RAB2A: variants seen among roughly 807,000 people sequenced by gnomAD.
RAB2A encodes RAB2A, member RAS oncogene family.
RAB2A carries 7 observed loss-of-function variants against 32.5 expected under a neutral mutation model. The observed-to-expected ratio is 0.22, with a 90% CI of 0.12 to 0.40. RAB2A has a LOEUF of 0.40. Ranked by LOEUF, RAB2A falls within the 10% of genes least tolerant of loss-of-function variation. The pLI is 1.00. For synonymous variants in RAB2A, 79 were observed against 85.2 expected (o/e 0.93, Z 0.40); for missense variants, 108 against 260.7 (o/e 0.41, Z 4.03).
chr8:60,619,011 G>A (rs1804490885), intron 7 of RAB2A: 1 of 152,046 alleles, frequency 6.6e-6, no homozygotes, highest in Admixed American at 6.6e-5. Context: ...ATAATGTTCT[G>A]GTATATAAAT....
chr8:60,548,780 A>C (rs1329513457), intron 1 of RAB2A, among the ~76,000 whole-genome samples: 2 of 109,736 alleles, frequency 1.8e-5, no homozygotes, highest in African/African-American at 3.9e-5. Context: ...TGATCCCCCC[A>C]CCTCCCTCCC....
chr8:60,601,580 C>G lies in RAB2A; in HGVS notation c.474+9611C>G, dbSNP rs541199479. On this transcript the variant is annotated intron_variant, in intron 6 of 7. Coordinates refer to ENST00000262646, the MANE Select transcript of RAB2A (RefSeq NM_002865.3). ...CTCAAACTCCTAAGCTCAAATGATCCGCCTGCTGTGGCCTCCCAAAGTGCT... is the reference window on the plus strand; with the variant it reads ...CTCAAACTCCTAAGCTCAAATGATCGGCCTGCTGTGGCCTCCCAAAGTGCT... Among the ~76,000 whole-genome samples, 7 of 152,280 alleles carry G rather than the reference C, an allele frequency of 4.6e-5. No homozygotes were observed. The South Asian group carries it at 1.5e-3, about 32-fold the overall frequency.
At chr8:60,560,060 C>G (rs951920643) in intron 2 of RAB2A, among the ~76,000 whole-genome samples, 1 of 152,148 alleles carries the variant, frequency 6.6e-6, no homozygotes, top group Non-Finnish European at 1.5e-5. Context: ...AAACAGGTAA[C>G]TCATGCTGGT....
Position 60,517,132 on chromosome 8 carries a change from C to T in RAB2A, c.-76C>T. On this transcript the variant is annotated 5_prime_UTR_variant, in exon 1 of 8. Coordinates refer to ENST00000262646, the MANE Select transcript of RAB2A (RefSeq NM_002865.3). ...CGCCTGGCGTTTCGAGGCTGAGCGG[C>T]ACCGGGGTTGGGGCGCGGAGGAGGA... The T allele has an allele frequency of 7.1e-7, 1 of 1,412,120 alleles. No homozygotes were observed. The allele number at this position is 1,412,120 out of a possible 1,614,324, so 87.5% of individuals were successfully genotyped here. A position where few individuals can be genotyped will look rare whatever the true frequency, so the allele number is the denominator to read the frequency against.
chr8:60,558,274 A>G (rs895313678), intron 1 of RAB2A: 1 of 414,556 alleles, frequency 2.4e-6, no homozygotes, highest in Non-Finnish European at 4.7e-6. Flanking sequence ...GGATGAATAT[A>G]GAAAATTTTC....
At chr8:60,586,157 T>C (rs1188536695) in intron 5 of RAB2A, among the ~76,000 whole-genome samples, 1 of 152,076 alleles carries the variant, frequency 6.6e-6, no homozygotes, top group Non-Finnish European at 1.5e-5. Flanking sequence ...AAAATTTAGC[T>C]AGACATGATG....
chr8:60,608,574 T>TCTC (rs1225549074), intron 6 of RAB2A, among the ~76,000 whole-genome samples: 10 of 145,938 alleles, frequency 6.9e-5, no homozygotes, highest in Non-Finnish European at 1.3e-4. Flanking sequence ...TCCTTCTCCT[T>TCTC]CTCCTCCTCT....
At chr8:60,568,505 TA>T (rs927542298) in intron 2 of RAB2A, among the ~76,000 whole-genome samples, 209 of 151,548 alleles carry the variant, frequency 1.4e-3, no homozygotes, top group African/African-American at 4.8e-3. Context: ...CTTTTAATCT[TA>T]AAAAAAAATC....
At chr8:60,600,581 G>A (rs1804117274) in intron 6 of RAB2A, among the ~76,000 whole-genome samples, 2 of 152,136 alleles carry the variant, frequency 1.3e-5, no homozygotes, top group Non-Finnish European at 2.9e-5. Context: ...TGAAGAGTTA[G>A]GTTGACTCAA....
intron 1 of RAB2A, among the ~76,000 whole-genome samples, chr8:60,521,594 AT>A (rs560633364): frequency 8.5e-4 from 129 of 152,258 alleles, no homozygotes; most frequent in African/African-American, 3.0e-3. Context: ...GCAAAGTGAA[AT>A]TATGTATCAT....
intron 3 of RAB2A, among the ~76,000 whole-genome samples, chr8:60,583,201 T>TA (rs2130848201): frequency 6.6e-6 from 1 of 152,294 alleles, no homozygotes; most frequent in South Asian, 2.1e-4. Flanking sequence ...TCAGAATGTG[T>TA]AAACATCAAT....
At chr8:60,518,629 T>C (rs1210038506) in intron 1 of RAB2A, among the ~76,000 whole-genome samples, 4 of 138,894 alleles carry the variant, frequency 2.9e-5, no homozygotes, top group African/African-American at 1.1e-4. Context: ...AAAAAGCATA[T>C]TTATTGCTGC....
intron 1 of RAB2A, among the ~76,000 whole-genome samples, chr8:60,554,515 T>C (rs1373854297): frequency 6.6e-6 from 1 of 152,212 alleles, no homozygotes; most frequent in Non-Finnish European, 1.5e-5. Context: ...TGAAAAAGAA[T>C]GAATTCGGTT....
At chr8:60,552,363 C>G (rs1008934807) in intron 1 of RAB2A, 1 of 151,402 alleles carries the variant, frequency 6.6e-6, no homozygotes, top group Non-Finnish European at 1.5e-5. Flanking sequence ...GTCTAGAACT[C>G]CTGGCCTCAA....
chr8:60,554,148 G>T (rs546982987), intron 1 of RAB2A, among the ~76,000 whole-genome samples: 1 of 152,312 alleles, frequency 6.6e-6, no homozygotes, highest in African/African-American at 2.4e-5. Context: ...TGAGTTAATT[G>T]TATCTGCATT....
Position 60,559,046 on chromosome 8 carries a change from T to C in RAB2A, c.118+123T>C, listed in dbSNP as rs979415910. On this transcript the variant is annotated intron_variant, in intron 2 of 7. Transcript: ENST00000262646. ...AGTGAAACTGGATTTGTTGTTACGC[T>C]GTTTAATCTCTGTCACTTTTTTAAA... 3 of 670,882 alleles carry C rather than the reference T, an allele frequency of 4.5e-6. No individual in the cohort carries two copies. In the African/African-American group the frequency reaches 5.5e-5, roughly 12 times the overall value. 41.6% of individuals were successfully genotyped at this position (670,882 alleles called of 1,614,324 possible). A position where few individuals can be genotyped will look rare whatever the true frequency, so the allele number is the denominator to read the frequency against.
rs1807216624 is a variant in RAB2A, at chr8:60,517,072, C to T, written c.-136C>T. ...CGGCTTCCTCACAGCCCCTCACTCC[C>T]GGCGGCTGACAGCAGCAGCGGCGGC... On this transcript the variant is annotated 5_prime_UTR_variant, in exon 1 of 8. Coordinates refer to ENST00000262646, the MANE Select transcript of RAB2A (RefSeq NM_002865.3). 2.3e-6 allele frequency: 2 copies of T among 881,312 alleles called. No homozygotes were observed. Among genetic ancestry groups the T allele is most frequent in the Non-Finnish European group, 3.2e-6 (2 of 616,506 alleles). 54.6% of individuals were successfully genotyped at this position (881,312 alleles called of 1,614,324 possible). A position where few individuals can be genotyped will look rare whatever the true frequency, so the allele number is the denominator to read the frequency against.
rs572578685 is a variant in RAB2A at position 60,545,964 on chromosome 8, T to A, written c.47-12888T>A. On this transcript the variant is annotated intron_variant, in intron 1 of 7. Transcript: ENST00000262646. ...TACTAGCTCAACAGATCATTCTAGG[T>A]GCTTTGGAGGATGAAAAGATGAATA... Among the ~76,000 whole-genome samples, 28 of 152,336 alleles carry A rather than the reference T, an allele frequency of 1.8e-4. 1 individual carries two copies. Among genetic ancestry groups the A allele is most frequent in the Middle Eastern group, 6.8e-3 (2 of 294 alleles).
At chr8:60,546,891 C>CT (rs6150606) in intron 1 of RAB2A, among the ~76,000 whole-genome samples, 1,727 of 98,818 alleles carry the variant, frequency 0.017, 26 homozygotes, top group African/African-American at 0.032. Flanking sequence ...TTTTTTGGGT[C>CT]TTTTTTTTTT....
Sources: allele counts gnomAD v4.1 joint callset (sites outside exome capture counted in the v4.1 genomes callset), GRCh38; gene constraint gnomAD v4.1.1; transcripts MANE v1.5; gene names NCBI Gene and HGNC (gene_info 2026-07-23, HGNC 2026-07-21).